The following PDSS2 variants were observed in gnomAD, a reference collection of about 807,000 sequenced individuals.
PDSS2 encodes the protein all trans-polyprenyl-diphosphate synthase PDSS2.
PDSS2 carries 31 observed loss-of-function variants against 44.5 expected under a neutral mutation model. The ratio of observed to expected loss-of-function variants is 0.70; its 90% CI spans 0.52 to 0.94. The LOEUF is 0.94. PDSS2 is among the 40% of genes least tolerant of loss of function. The pLI is 0.00. For missense variants in PDSS2, 452 were observed against 482.2 expected, an observed-to-expected ratio of 0.94 and a Z score of 0.59; for synonymous variants, 157 against 180.3, an observed-to-expected ratio of 0.87 and a Z score of 1.03.
At chr6:107,204,857 G>A (rs1772918818) in intron 6 of PDSS2, among the ~76,000 whole-genome samples, 5 of 152,108 alleles carry the variant, frequency 3.3e-5, no homozygotes, top group Admixed American at 1.3e-4. Context: ...CTGTAGTCAA[G>A]CACTTTGTTT....
intron 3 of PDSS2, among the ~76,000 whole-genome samples, chr6:107,272,603 C>T (rs1775639111): frequency 6.6e-6 from 1 of 152,202 alleles, no homozygotes; most frequent in South Asian, 2.1e-4. Flanking sequence ...GCACTGTTAT[C>T]TTATAATCAA....
At chr6:107,296,667 C>T (rs1776519021) in intron 2 of PDSS2, among the ~76,000 whole-genome samples, 1 of 152,166 alleles carries the variant, frequency 6.6e-6, no homozygotes, top group African/African-American at 2.4e-5. Context: ...GCGGAGGTTG[C>T]AGTGAGCCAA....
At chr6:107,369,498 CTT>C (rs756814623) in intron 1 of PDSS2, among the ~76,000 whole-genome samples, 1 of 152,024 alleles carries the variant, frequency 6.6e-6, no homozygotes, top group African/African-American at 2.4e-5. Flanking sequence ...AAAAAATTAA[CTT>C]AAATCAATCA....
intron 3 of PDSS2, among the ~76,000 whole-genome samples, chr6:107,246,651 T>A (rs1774627511): frequency 6.6e-6 from 1 of 152,222 alleles, no homozygotes; most frequent in Admixed American, 6.5e-5. Context: ...CTGGGTTTAA[T>A]AAACATTTTC....
chr6:107,304,169 T>C (rs531246841), intron 2 of PDSS2, among the ~76,000 whole-genome samples: 1 of 152,246 alleles, frequency 6.6e-6, no homozygotes, highest in Admixed American at 6.5e-5. Flanking sequence ...GTAGCTGCCA[T>C]GTCTGTTCTA....
At chr6:107,218,383 A>G (rs559800279) in intron 4 of PDSS2, among the ~76,000 whole-genome samples, 18 of 152,124 alleles carry the variant, frequency 1.2e-4, no homozygotes, top group Admixed American at 2.6e-4. Flanking sequence ...TTCTGCAGAT[A>G]CACTCTCTAG....
intron 4 of PDSS2, among the ~76,000 whole-genome samples, chr6:107,237,780 C>T (rs1774274538): frequency 6.6e-6 from 1 of 151,176 alleles, no homozygotes; most frequent in African/African-American, 2.4e-5. Flanking sequence ...CCTGTAGTTC[C>T]AGCTACTTGG....
At chr6:107,395,581 T>G (rs1230508313) in intron 1 of PDSS2, among the ~76,000 whole-genome samples, 2 of 152,184 alleles carry the variant, frequency 1.3e-5, no homozygotes, top group Non-Finnish European at 2.9e-5. Context: ...ATATACTTTA[T>G]ATTTCATCTT....
At chr6:107,285,444 C>T (rs1351399457) in intron 2 of PDSS2, among the ~76,000 whole-genome samples, 2 of 150,474 alleles carry the variant, frequency 1.3e-5, no homozygotes, top group Non-Finnish European at 3.0e-5. Context: ...CAGGAGTTTG[C>T]GACAAGCCTG....
At chr6:107,269,487 C>A (rs1236878579) in intron 3 of PDSS2, among the ~76,000 whole-genome samples, 1 of 151,758 alleles carries the variant, frequency 6.6e-6, no homozygotes, top group Non-Finnish European at 1.5e-5. Context: ...TGAGTTGTTA[C>A]TGTTTATATC....
At chr6:107,333,567 C>T (rs1334599167) in intron 2 of PDSS2, among the ~76,000 whole-genome samples, 1 of 152,096 alleles carries the variant, frequency 6.6e-6, no homozygotes, top group African/African-American at 2.4e-5. Flanking sequence ...TAGAGTCTTG[C>T]TCTGTTACCC....
intron 2 of PDSS2, among the ~76,000 whole-genome samples, chr6:107,319,895 TAG>T (rs1769838526): frequency 6.6e-6 from 1 of 152,198 alleles, no homozygotes; most frequent in Non-Finnish European, 1.5e-5. Flanking sequence ...GGTCTATCTA[TAG>T]AGAGAGATAA....
intron 1 of PDSS2, among the ~76,000 whole-genome samples, chr6:107,397,196 G>A (rs1287300382): frequency 8.7e-6 from 1 of 115,174 alleles, no homozygotes; most frequent in African/African-American, 3.2e-5. Context: ...TTTTTTTTTT[G>A]GTGGTCGAGG....
At chr6:107,226,697 T>G (rs1773835288) in intron 4 of PDSS2, among the ~76,000 whole-genome samples, 1 of 140,746 alleles carries the variant, frequency 7.1e-6, no homozygotes, top group Admixed American at 7.8e-5. Flanking sequence ...TGAGATGGAG[T>G]CTCGTTCTGT....
intron 4 of PDSS2, chr6:107,230,162 A>C (rs1343938029): frequency 2.0e-5 from 3 of 152,606 alleles, no homozygotes. Flanking sequence ...AAGATTTTGC[A>C]ATGACTTTGT....
At chr6:107,169,130 TG>T (rs1462530623) in intron 7 of PDSS2, among the ~76,000 whole-genome samples, 1 of 152,124 alleles carries the variant, frequency 6.6e-6, no homozygotes, top group African/African-American at 2.4e-5. Flanking sequence ...GACGTAGATT[TG>T]GTCTTTTCAC....
chr6:107,413,102 A>G (rs1780553643), intron 1 of PDSS2, among the ~76,000 whole-genome samples: 1 of 152,204 alleles, frequency 6.6e-6, no homozygotes, highest in Non-Finnish European at 1.5e-5. Context: ...GTCTTTCAAG[A>G]TGTTTCAGAC....
At chr6:107,275,691 A>C in intron 2 of PDSS2, among the ~76,000 whole-genome samples, 1 of 152,186 alleles carries the variant, frequency 6.6e-6, no homozygotes, top group East Asian at 1.9e-4. Flanking sequence ...CAGAAATGGT[A>C]TATCTATAAG....
intron 3 of PDSS2, among the ~76,000 whole-genome samples, chr6:107,251,963 G>C (rs1016715471): frequency 3.4e-4 from 52 of 152,186 alleles, no homozygotes; most frequent in Non-Finnish European, 5.0e-4. Context: ...TCTAACATTT[G>C]TAAAGCACTT....
Sources: allele counts gnomAD v4.1 joint callset (sites outside exome capture counted in the v4.1 genomes callset), GRCh38; gene constraint gnomAD v4.1.1; transcripts MANE v1.5; gene names NCBI Gene and HGNC (gene_info 2026-07-23, HGNC 2026-07-21).